DLGAP2: variants seen among roughly 807,000 people sequenced by gnomAD.
DLGAP2 encodes the protein DLG associated protein 2.
In DLGAP2, 26 loss-of-function variants were observed where a neutral mutation model predicts 100.3. The ratio of observed to expected loss-of-function variants is 0.26; its 90% CI spans 0.19 to 0.36. The LOEUF (loss-of-function observed/expected upper bound fraction) is 0.36, where lower values mean the gene tolerates loss of function less well. Among genes scored for constraint, DLGAP2 ranks in the 10% least tolerant of loss-of-function variants. The pLI is 1.00. For missense variants in DLGAP2, 1,858 were observed against 1,453.2 expected (o/e 1.28, Z -4.53); for synonymous variants, 886 against 630.1 (o/e 1.41, Z -6.08).
At chr8:1,212,489 A>T (rs890675112) in intron 2 of DLGAP2, among the ~76,000 whole-genome samples, 2 of 152,206 alleles carry the variant, frequency 1.3e-5, no homozygotes, top group African/African-American at 2.4e-5. Context: ...TTTATGAGCC[A>T]TGGAGCACTG....
intron 8 of DLGAP2, among the ~76,000 whole-genome samples, chr8:1,638,279 C>T (rs186194329): frequency 2.6e-5 from 4 of 152,208 alleles, no homozygotes; most frequent in Admixed American, 2.0e-4. Flanking sequence ...AGAATGAGGT[C>T]ACAGGGGGCC....
chr8:1,372,111 G>A (rs918597816), intron 3 of DLGAP2, among the ~76,000 whole-genome samples: 1 of 152,188 alleles, frequency 6.6e-6, no homozygotes, highest in Non-Finnish European at 1.5e-5. Context: ...ACAGCTCTGG[G>A]ACCTGGGCCC....
intron 3 of DLGAP2, among the ~76,000 whole-genome samples, chr8:1,318,274 A>G (rs577256481): frequency 4.3e-4 from 65 of 152,342 alleles, no homozygotes; most frequent in African/African-American, 1.5e-3. Context: ...TGGCAACAAC[A>G]TGAAATAAAA....
chr8:1,426,528 T>G (rs542428328), intron 3 of DLGAP2, among the ~76,000 whole-genome samples: 1 of 152,284 alleles, frequency 6.6e-6, no homozygotes, highest in East Asian at 1.9e-4. Flanking sequence ...TGGCTGGGAA[T>G]TGACCAGGAT....
At chr8:1,454,234 A>T (rs1300118120) in intron 3 of DLGAP2, among the ~76,000 whole-genome samples, 1 of 152,194 alleles carries the variant, frequency 6.6e-6, no homozygotes. Flanking sequence ...TGTCCCCGTA[A>T]GGTTTCATCC....
intron 3 of DLGAP2, among the ~76,000 whole-genome samples, chr8:1,269,964 G>C (rs1358886211): frequency 6.6e-6 from 1 of 152,172 alleles, no homozygotes; most frequent in Admixed American, 6.5e-5. Context: ...TCCTGTGTGT[G>C]GAAGAAACTG....
intron 6 of DLGAP2, among the ~76,000 whole-genome samples, chr8:1,573,748 G>A (rs536202921): frequency 5.3e-5 from 8 of 152,222 alleles, no homozygotes; most frequent in African/African-American, 1.9e-4. Flanking sequence ...TTGGAATGTG[G>A]CCCGCTCACT....
At position 1,705,041 on chromosome 8, in the gene DLGAP2, G is replaced by C. The variant is rs868742686; in HGVS notation, c.*3635G>C. 3 of 152,210 alleles carry C rather than the reference G, an allele frequency of 2.0e-5. No homozygotes were observed. The highest frequency in any genetic ancestry group is 2.1e-4 in the South Asian group (1 of 4,834). 9.4% of individuals were successfully genotyped at this position (152,210 alleles called of 1,614,324 possible). On this transcript the variant is annotated 3_prime_UTR_variant, in exon 15 of 15. Coordinates refer to ENST00000637795, the MANE Select transcript of DLGAP2 (RefSeq NM_001346810.2). The stretch of plus-strand genomic sequence containing the variant: ...GCATCTCTGTTTTTGTTAGATCCTT[G>C]TAAGCATCGCTACCCGAGTCCAGGA...
At chr8:1,227,163 T>TATATATATATATATATATATTATAG in intron 2 of DLGAP2, among the ~76,000 whole-genome samples, 1 of 137,640 alleles carries the variant, frequency 7.3e-6, no homozygotes, top group African/African-American at 2.9e-5. Context: ...GATATATATA[T>TATATATATATATATATATATTATAG]ATATATATAT....
intron 5 of DLGAP2, 82 bp from the exon 6 acceptor site, chr8:1,565,601 G>T (rs1802365213): frequency 1.8e-6 from 2 of 1,084,052 alleles, no homozygotes; most frequent in Non-Finnish European, 2.7e-6. Context: ...TGGAATTGTA[G>T]AGGATTTGTT....
chr8:1,559,048 T>C (rs1436984679), intron 5 of DLGAP2, among the ~76,000 whole-genome samples: 1 of 152,218 alleles, frequency 6.6e-6, no homozygotes, highest in East Asian at 1.9e-4. Flanking sequence ...AGAAAAGATA[T>C]TCCAGTTTGT....
chr8:1,315,254 C>T (rs1430961427), intron 3 of DLGAP2, among the ~76,000 whole-genome samples: 2 of 151,950 alleles, frequency 1.3e-5, no homozygotes, highest in Admixed American at 1.3e-4. Context: ...CAGTGGTCTA[C>T]ACTCGAGAAA....
In DLGAP2 at chr8:1,697,131, C is replaced by CTG. The variant is rs1563069092; in HGVS notation, c.2797-8_2797-7dup. 6.4e-7 allele frequency: 1 copy of CTG among 1,551,442 alleles called. No individual in the cohort carries two copies. Among genetic ancestry groups the CTG allele is most frequent in the Non-Finnish European group, 8.7e-7 (1 of 1,147,368 alleles). ...GGAGACTCTCCTGGCTCTGAACACC[C>CTG]TGTGTGTGTCCCCAGGACCCCAGCG... On this transcript the variant is annotated splice_polypyrimidine_tract_variant and intron_variant, in intron 13 of 14. Transcript: ENST00000637795.
At chr8:1,597,660 C>T (rs1236403609) in intron 6 of DLGAP2, among the ~76,000 whole-genome samples, 1 of 152,120 alleles carries the variant, frequency 6.6e-6, no homozygotes, top group Non-Finnish European at 1.5e-5. Flanking sequence ...CATGATTTGG[C>T]TCTCTGTTTG....
intron 1 of DLGAP2, among the ~76,000 whole-genome samples, chr8:830,541 T>C (rs1406281033): frequency 6.6e-6 from 1 of 152,218 alleles, no homozygotes; most frequent in Non-Finnish European, 1.5e-5. Flanking sequence ...TTTTAAATTC[T>C]TGGTATAGTT....
chr8:1,511,127 G>A (rs1038176651), intron 4 of DLGAP2, among the ~76,000 whole-genome samples: 2 of 152,238 alleles, frequency 1.3e-5, no homozygotes, highest in African/African-American at 4.8e-5. Context: ...TTTCCCTAGT[G>A]GGTGACCATC....
intron 3 of DLGAP2, among the ~76,000 whole-genome samples, chr8:1,413,696 T>A (rs972084572): frequency 1.3e-5 from 2 of 152,236 alleles, no homozygotes; most frequent in Admixed American, 1.3e-4. Context: ...ATAAATGGTC[T>A]TGAACTCAAA....
chr8:1,506,444 T>C (rs931811982), intron 4 of DLGAP2, among the ~76,000 whole-genome samples: 1 of 152,208 alleles, frequency 6.6e-6, no homozygotes, highest in Non-Finnish European at 1.5e-5. Context: ...TTCTTCCTTC[T>C]GGTCGGTTTG....
intron 1 of DLGAP2, among the ~76,000 whole-genome samples, chr8:803,673 C>A (rs1488130656): frequency 2.0e-5 from 3 of 152,172 alleles, no homozygotes; most frequent in African/African-American, 7.2e-5. Context: ...AGGGCTGCCT[C>A]AATCCACTGG....
Sources: gnomAD v4.1 joint callset for allele counts (sites outside exome capture counted in the v4.1 genomes callset) on GRCh38, gnomAD v4.1.1 for gene constraint, MANE v1.5 for transcripts, NCBI Gene and HGNC (gene_info 2026-07-23, HGNC 2026-07-21) for gene names.